Variants in VGLL4 observed in about 807,000 individuals in gnomAD.
The protein encoded by VGLL4 is transcription cofactor vestigial-like protein 4.
VGLL4 carries 7 observed loss-of-function variants against 21.0 expected under a neutral mutation model. That is an observed-to-expected ratio of 0.33 (90% confidence interval 0.19 to 0.63). The LOEUF (loss-of-function observed/expected upper bound fraction) is 0.63. VGLL4 is among the 20% of genes least tolerant of loss of function. VGLL4 has a pLI of 0.78. For synonymous variants in VGLL4, 222 were observed against 173.2 expected, an observed-to-expected ratio of 1.28 and a Z score of -2.21; for missense variants, 394 against 425.7, an observed-to-expected ratio of 0.93 and a Z score of 0.66.
chr3:11,600,170 T>G (rs1255429231), intron 2 of VGLL4, among the ~76,000 whole-genome samples: 2 of 152,166 alleles, frequency 1.3e-5, no homozygotes, highest in Non-Finnish European at 2.9e-5. Flanking sequence ...CTAGTCCTCG[T>G]AATAGCTCTA....
chr3:11,687,988 T>G (rs896046347), intron 2 of VGLL4, among the ~76,000 whole-genome samples: 1 of 152,166 alleles, frequency 6.6e-6, no homozygotes, highest in Non-Finnish European at 1.5e-5. Flanking sequence ...CTTATTGTTT[T>G]TATCACAAAT....
chr3:11,630,640 C>T (rs1178145224), intron 1 of VGLL4, among the ~76,000 whole-genome samples: 1 of 152,010 alleles, frequency 6.6e-6, no homozygotes, highest in African/African-American at 2.4e-5. Flanking sequence ...GAGTGAAACT[C>T]CGTCTCAAAA....
chr3:11,702,797 C>A, intron 2 of VGLL4: 4 of 365,136 alleles, frequency 1.1e-5, no homozygotes, highest in Non-Finnish European at 1.4e-5. Context: ...AAAAGACTTA[C>A]ATGTTCTTGA....
intron 1 of VGLL4, among the ~76,000 whole-genome samples, chr3:11,632,948 G>A (rs1037741073): frequency 1.3e-5 from 2 of 152,188 alleles, no homozygotes; most frequent in African/African-American, 2.4e-5. Context: ...AAAGCAAGAC[G>A]AACAAGGGCA....
chr3:11,684,746 G>GTGTGTGTA (rs2076422016), intron 2 of VGLL4, among the ~76,000 whole-genome samples: 1 of 151,110 alleles, frequency 6.6e-6, no homozygotes, highest in Admixed American at 6.6e-5. Context: ...GTGTGTGTGT[G>GTGTGTGTA]TGTGTGTGTG....
At chr3:11,660,174 A>G (rs548343781) in intron 2 of VGLL4, among the ~76,000 whole-genome samples, 1 of 152,240 alleles carries the variant, frequency 6.6e-6, no homozygotes, top group South Asian at 2.1e-4. Flanking sequence ...AAAAAAAAAA[A>G]AAATTTCCCA....
rs547934384 is a variant in VGLL4 at position 11,639,385 on chromosome 3, T to A, written c.82+4052A>T. ...AGCACCTTCCAGCGAGGCCGGTCAC[T>A]CAGAGGTGTCTCACCTACCCTTTCC... On this transcript the variant is annotated intron_variant, in intron 1 of 4. Transcript: ENST00000430365. 9.2e-5 allele frequency among the ~76,000 whole-genome samples: 14 copies of A among 152,342 alleles called. No homozygotes were observed. In the South Asian group the frequency reaches 2.9e-3, roughly 32 times the overall value.
At chr3:11,627,229 C>T (rs904088988) in intron 1 of VGLL4, 1 of 139,652 alleles carries the variant, frequency 7.2e-6, no homozygotes, top group Non-Finnish European at 1.5e-5. Context: ...CACACACACA[C>T]ACTCTCTCTC....
intron 2 of VGLL4, among the ~76,000 whole-genome samples, chr3:11,573,928 C>T (rs1347903300): frequency 6.6e-6 from 1 of 152,128 alleles, no homozygotes; most frequent in Non-Finnish European, 1.5e-5. Flanking sequence ...TTAGAAAACA[C>T]TGGAAATCTG....
At chr3:11,650,769 A>C (rs2075859377) in intron 2 of VGLL4, among the ~76,000 whole-genome samples, 1 of 151,222 alleles carries the variant, frequency 6.6e-6, no homozygotes, top group African/African-American at 2.4e-5. Context: ...ACCTGATGTA[A>C]ATAATATTCA....
chr3:11,677,745 AAAAC>A (rs2076311975), intron 2 of VGLL4, among the ~76,000 whole-genome samples: 1 of 151,960 alleles, frequency 6.6e-6, no homozygotes, highest in South Asian at 2.1e-4. Context: ...TCTCTACTAA[AAAAC>A]AAAAAATTAG....
chr3:11,562,447 C>A (rs1424100843), intron 3 of VGLL4, among the ~76,000 whole-genome samples: 1 of 152,190 alleles, frequency 6.6e-6, no homozygotes, highest in Non-Finnish European at 1.5e-5. Flanking sequence ...ATGCGTCCTG[C>A]CTGCCTGTGG....
In VGLL4 at chr3:11,573,316, G is replaced by GAAGAAAGAAAGAAAGA. The variant is rs1286422799; in HGVS notation, c.273-8313_273-8298dup. On this transcript the variant is annotated intron_variant, in intron 2 of 4. Coordinates refer to ENST00000430365, the MANE Select transcript of VGLL4 (RefSeq NM_001128219.3). ...GAAAGAAAGAAAGAAAGGAAGGAAG[G>GAAGAAAGAAAGAAAGA]AAGAAAGAAAGAAAGAAAGAAAGAA... Among the ~76,000 whole-genome samples, 7 of 20,750 alleles carry GAAGAAAGAAAGAAAGA rather than the reference G, an allele frequency of 3.4e-4. 1 individual carries two copies. The highest frequency in any genetic ancestry group is 7.9e-5 in the Non-Finnish European group (1 of 12,722). The allele number at this position is 20,750 out of a possible 152,430, so 13.6% of individuals were successfully genotyped here. A position where few individuals can be genotyped will look rare whatever the true frequency, so the allele number is the denominator to read the frequency against.
At chr3:11,629,823 C>G (rs1403682279) in intron 1 of VGLL4, among the ~76,000 whole-genome samples, 1 of 150,260 alleles carries the variant, frequency 6.7e-6, no homozygotes, top group Non-Finnish European at 1.5e-5. Context: ...AGAAAAAACT[C>G]AAAGAATCTA....
At chr3:11,593,922 C>CTAGT (rs1235863876) in intron 2 of VGLL4, among the ~76,000 whole-genome samples, 1 of 152,212 alleles carries the variant, frequency 6.6e-6, no homozygotes, top group Non-Finnish European at 1.5e-5. Context: ...GAGCACAAGG[C>CTAGT]TAGTGACCAT....
intron 2 of VGLL4, among the ~76,000 whole-genome samples, chr3:11,588,150 T>G (rs1175276099): frequency 2.0e-5 from 3 of 152,186 alleles, no homozygotes; most frequent in Non-Finnish European, 4.4e-5. Context: ...CACAGAGCTC[T>G]CCTCGTGGCT....
At chr3:11,687,835 A>G (rs1559945231) in intron 2 of VGLL4, among the ~76,000 whole-genome samples, 1 of 152,144 alleles carries the variant, frequency 6.6e-6, no homozygotes, top group Non-Finnish European at 1.5e-5. Flanking sequence ...TTTTAAGAAA[A>G]ATCACTAGCT....
chr3:11,623,063 T>C (rs1373564637), intron 1 of VGLL4, among the ~76,000 whole-genome samples: 1 of 152,192 alleles, frequency 6.6e-6, no homozygotes, highest in Admixed American at 6.5e-5. Flanking sequence ...CTTTTAGTTA[T>C]GGATTCCAAT....
chr3:11,570,095 G>A (rs1232755563), intron 2 of VGLL4, among the ~76,000 whole-genome samples: 2 of 151,992 alleles, frequency 1.3e-5, no homozygotes, highest in Non-Finnish European at 2.9e-5. Context: ...GGTTTCTGAT[G>A]TGCACAGGGC....
Sources: allele counts gnomAD v4.1 joint callset (sites outside exome capture counted in the v4.1 genomes callset), GRCh38; gene constraint gnomAD v4.1.1; transcripts MANE v1.5; gene names NCBI Gene and HGNC (gene_info 2026-07-23, HGNC 2026-07-21).